UQCRC2: variants seen among roughly 807,000 people sequenced by gnomAD.
UQCRC2 encodes cytochrome b-c1 complex subunit 2, mitochondrial.
UQCRC2 carries 49 observed loss-of-function variants against 55.6 expected under a neutral mutation model. The ratio of observed to expected loss-of-function variants is 0.88; its 90% CI spans 0.70 to 1.12. The LOEUF is 1.12. UQCRC2 is among the 50% of genes most tolerant of loss of function. The probability of loss-of-function intolerance (pLI) is 0.00; values close to 1 mark genes in which losing one functional copy is unlikely to be tolerated. For synonymous variants in UQCRC2, 193 were observed against 192.0 expected, an observed-to-expected ratio of 1.01 and a Z score of -0.04; for missense variants, 506 against 547.8, an observed-to-expected ratio of 0.92 and a Z score of 0.76.
At chr16:21,958,649 A>G (rs199890498) in intron 4 of UQCRC2, 50 bp downstream of exon 4, 4 of 1,517,740 alleles carry the variant, frequency 2.6e-6, no homozygotes, top group East Asian at 2.3e-5. Flanking sequence ...AAAATATTCA[A>G]TTTTAAGGGA....
chr16:21,966,428 G>T (rs537529861), intron 7 of UQCRC2, among the ~76,000 whole-genome samples: 2 of 151,980 alleles, frequency 1.3e-5, no homozygotes, highest in African/African-American at 2.4e-5. Context: ...AGATATGTGC[G>T]TATAATCTTA....
At chr16:21,977,578 A>G (rs1000084276) in intron 12 of UQCRC2, among the ~76,000 whole-genome samples, 1 of 152,210 alleles carries the variant, frequency 6.6e-6, no homozygotes, top group African/African-American at 2.4e-5. Context: ...TGAAAGTGCT[A>G]TCAACACTCC....
rs749115949 is a variant in UQCRC2, at chr16:21,962,799, C to T, written c.428C>T (p.Ala143Val). ...LMEFLLNVTT[A>V]PEFRRWEVAD... Reference sequence around the variant, plus strand: ...GAGTTCCTGCTCAATGTCACCACAGCACCAGAATTTCGTCGTTGGGAAGTA... The same window carrying T: ...GAGTTCCTGCTCAATGTCACCACAGTACCAGAATTTCGTCGTTGGGAAGTA... The change falls in exon 6 of 14, where the codon GCA becomes GTA. Residue 143 changes from alanine (A) to valine (V), a missense_variant. Transcript: ENST00000268379. The T allele has an allele frequency of 7.4e-6, 12 of 1,613,988 alleles. No homozygotes were observed. Among genetic ancestry groups the T allele is most frequent in the Non-Finnish European group, 1.0e-5 (12 of 1,180,034 alleles).
At position 21,962,490 on chromosome 16, in the gene UQCRC2, T is replaced by C. The variant is rs972331534; in HGVS notation, c.363T>C (p.Tyr121=). 1.9e-6 allele frequency: 3 copies of C among 1,614,208 alleles called. No homozygotes were observed. Among genetic ancestry groups the C allele is most frequent in the Non-Finnish European group, 2.5e-6 (3 of 1,180,026 alleles). ...SVTATRENMA[Y]TVECLRGDVD... ...CCGCAACAAGGGAAAACATGGCTTA[T>C]ACTGTGGAATGCCTGCGGGGTGATG... The change falls in exon 5 of 14, where the codon TAT becomes TAC. Residue 121 remains tyrosine (Y), a synonymous_variant. Transcript: ENST00000268379.
In UQCRC2 at chr16:21,972,122, T is replaced by C. The variant is rs761973806; in HGVS notation, c.966T>C (p.Asp322=). 29 of 1,612,354 alleles carry C rather than the reference T, an allele frequency of 1.8e-5. No homozygotes were observed. The African/African-American group carries it at 3.6e-4, about 20-fold the overall frequency. Residue 322 remains aspartate, a splice_region_variant and synonymous_variant, in exon 10 of 14, where the codon GAT becomes GAC. Coordinates refer to ENST00000268379, the MANE Select transcript of UQCRC2 (RefSeq NM_003366.4). ...CCAAGGCAACTCAGCAGCCATTTGA[T>C]GTGAGTCTGAACAGTTGGTATCTCT... ...AVAKATQQPF[D]VSAFNASYSD... is the part of the protein sequence containing the mutation.
At position 21,971,610 on chromosome 16, in the gene UQCRC2, CTACCGTGGAGGTA is replaced by C. The variant is rs745553184; in HGVS notation, c.757_766+3del. The C allele has an allele frequency of 1.2e-6, 2 of 1,613,998 alleles. No individual in the cohort carries two copies. Among genetic ancestry groups the C allele is most frequent in the Admixed American group, 3.3e-5 (2 of 59,988 alleles). On this transcript the variant is annotated splice_donor_variant and splice_donor_region_variant and coding_sequence_variant and intron_variant, in exon 9 of 14. Transcript: ENST00000268379. LOFTEE classifies it high-confidence loss of function. Reference sequence around the variant, plus strand: ...TTGGTTTATCTGGTGCAAAGGCCAACTACCGTGGAGGTAAGCATTTCATTCTATTAGGGTTAAT... The same window carrying C: ...TTGGTTTATCTGGTGCAAAGGCCAACAGCATTTCATTCTATTAGGGTTAAT...
intron 12 of UQCRC2, among the ~76,000 whole-genome samples, chr16:21,979,897 T>A (rs1898674579): frequency 6.6e-6 from 1 of 152,198 alleles, no homozygotes. Context: ...TACATGACTA[T>A]ACCTTGAATT....
chr16:21,963,962 T>C (rs1898264541), intron 6 of UQCRC2, among the ~76,000 whole-genome samples: 1 of 152,236 alleles, frequency 6.6e-6, no homozygotes, highest in Non-Finnish European at 1.5e-5. Context: ...ATATAATGTC[T>C]AATTATATAA....
chr16:21,983,098 AGTTT>A lies in UQCRC2; in HGVS notation c.1294_1297del (p.Val432LeufsTer32). The A allele has an allele frequency of 6.2e-7, 1 of 1,613,506 alleles. No homozygotes were observed. ...TTTGTTTCTTTAAAGGCGGCAAAGA[AGTTT>A]GTTTCTGGCCAGAAGTCAATGGCAG... On this transcript the variant is annotated frameshift_variant, in exon 14 of 14. Transcript: ENST00000268379. LOFTEE classifies it high-confidence loss of function.
rs1898787295 is a variant in UQCRC2, at chr16:21,983,483, G to C, written c.*312G>C. 2.8e-6 allele frequency: 1 copy of C among 362,248 alleles called. No homozygotes were observed. The highest frequency in any genetic ancestry group is 1.4e-4 in the South Asian group (1 of 7,166). The allele number at this position is 362,248 out of a possible 1,614,324, so 22.4% of individuals were successfully genotyped here. A position where few individuals can be genotyped will look rare whatever the true frequency, so the allele number is the denominator to read the frequency against. ...AAGCATCAGAAACTATTAAAATTAA[G>C]GCTAAGTGGCTATCGGGGTAAATAG... On this transcript the variant is annotated 3_prime_UTR_variant, in exon 14 of 14. Transcript: ENST00000268379.
intron 12 of UQCRC2, chr16:21,976,466 T>A: frequency 2.4e-6 from 1 of 421,924 alleles, no homozygotes; most frequent in South Asian, 3.3e-5. Flanking sequence ...CCAAGGCAGG[T>A]GGTTCATTTG....
At chr16:21,965,534 C>G in intron 7 of UQCRC2, 29 bp downstream of exon 7, 1 of 1,486,612 alleles carries the variant, frequency 6.7e-7, no homozygotes, top group Non-Finnish European at 9.0e-7. Flanking sequence ...TTGAAATGTG[C>G]TTGTTTTTCA....
chr16:21,972,704 C>T (rs1898491775), intron 10 of UQCRC2, among the ~76,000 whole-genome samples: 1 of 152,090 alleles, frequency 6.6e-6, no homozygotes, highest in Non-Finnish European at 1.5e-5. Context: ...GTGAAACCCC[C>T]ATCTCTCCTA....
intron 4 of UQCRC2, chr16:21,959,328 C>A: frequency 4.4e-6 from 1 of 226,850 alleles, no homozygotes; most frequent in East Asian, 1.5e-4. Flanking sequence ...TCTTTTTTAT[C>A]ATTTCGACAG....
rs1170768865 is a variant in UQCRC2 at position 21,955,621 on chromosome 16, CCCTA to C, written c.34-1611_34-1608del. On this transcript the variant is annotated intron_variant, in intron 1 of 13. Transcript: ENST00000268379. ...TCTAATATTTAATGGGACCCTTTCACCCTACCAGTAACTGCATTTTATATATTGA... is the reference window on the plus strand; with the variant it reads ...TCTAATATTTAATGGGACCCTTTCACCCAGTAACTGCATTTTATATATTGA... 1.7e-4 allele frequency among the ~76,000 whole-genome samples: 26 copies of C among 152,294 alleles called. 1 individual carries two copies. Among genetic ancestry groups the C allele is most frequent in the Admixed American group, 8.5e-4 (13 of 15,302 alleles).
chr16:21,973,342 T>A (rs1276587691), intron 10 of UQCRC2, among the ~76,000 whole-genome samples: 1 of 152,190 alleles, frequency 6.6e-6, no homozygotes, highest in African/African-American at 2.4e-5. Flanking sequence ...ACATAAACAC[T>A]GCAAATCGGG....
intron 13 of UQCRC2, 47 bp from the exon 14 acceptor site, chr16:21,983,041 T>C: frequency 2.6e-6 from 4 of 1,548,386 alleles, no homozygotes; most frequent in South Asian, 2.3e-5. Flanking sequence ...CTTGATGATA[T>C]ATATTTTTAT....
chr16:21,972,266 G>C, intron 10 of UQCRC2, 144 bp downstream of exon 10: 1 of 1,126,562 alleles, frequency 8.9e-7, no homozygotes, highest in Non-Finnish European at 1.2e-6. Flanking sequence ...CTTGATTTTA[G>C]TATCTTTGAA....
At chr16:21,972,973 G>A (rs1047202069) in intron 10 of UQCRC2, among the ~76,000 whole-genome samples, 18 of 152,176 alleles carry the variant, frequency 1.2e-4, no homozygotes, top group African/African-American at 3.4e-4. Context: ...GGTGGCGCAC[G>A]CCTGTAGTCC....
Sources: allele counts gnomAD v4.1 joint callset (sites outside exome capture counted in the v4.1 genomes callset), GRCh38; gene constraint gnomAD v4.1.1; transcripts MANE v1.5; gene names NCBI Gene and HGNC (gene_info 2026-07-23, HGNC 2026-07-21).